GRM7: variants seen among roughly 807,000 people sequenced by gnomAD.
The protein encoded by GRM7 is metabotropic glutamate receptor 7.
A neutral mutation model predicts 84.5 loss-of-function variants in GRM7; 35 were observed. That is an observed-to-expected ratio of 0.41 (90% confidence interval 0.32 to 0.55). GRM7 has a LOEUF of 0.55. GRM7 is among the 20% of genes least tolerant of loss of function. The pLI is 0.19. For missense variants in GRM7, 1,003 were observed against 1,194.6 expected, an observed-to-expected ratio of 0.84 and a Z score of 2.36; for synonymous variants, 487 against 455.1, an observed-to-expected ratio of 1.07 and a Z score of -0.89.
At chr3:7,161,098 C>T (rs576423320) in intron 2 of GRM7, among the ~76,000 whole-genome samples, 2 of 152,024 alleles carry the variant, frequency 1.3e-5, no homozygotes, top group South Asian at 4.2e-4. Flanking sequence ...TCTGTCTTCC[C>T]CTGAGCTAAG....
intron 4 of GRM7, among the ~76,000 whole-genome samples, chr3:7,326,758 C>T (rs563104245): frequency 6.6e-5 from 10 of 150,734 alleles, no homozygotes; most frequent in Admixed American, 2.0e-4. Flanking sequence ...TGCTTGAACC[C>T]GGGAGGTGGA....
At chr3:6,999,785 A>T (rs1428050492) in intron 1 of GRM7, among the ~76,000 whole-genome samples, 1 of 152,144 alleles carries the variant, frequency 6.6e-6, no homozygotes, top group East Asian at 1.9e-4. Flanking sequence ...CACTATCACG[A>T]GAACAGCATG....
intron 4 of GRM7, among the ~76,000 whole-genome samples, chr3:7,354,001 G>T (rs1258968909): frequency 6.6e-6 from 1 of 152,110 alleles, no homozygotes; most frequent in African/African-American, 2.4e-5. Context: ...CAGGTCAAGT[G>T]AACAAAAGTC....
intron 4 of GRM7, among the ~76,000 whole-genome samples, chr3:7,315,419 T>C (rs1050636156): frequency 3.9e-5 from 6 of 152,250 alleles, no homozygotes; most frequent in African/African-American, 1.2e-4. Context: ...GTATATTGCA[T>C]GCCTCAACTT....
At chr3:7,719,869 A>C in intron 9 of GRM7, among the ~76,000 whole-genome samples, 1 of 151,836 alleles carries the variant, frequency 6.6e-6, no homozygotes, top group Admixed American at 6.6e-5. Context: ...TAAAACAAGG[A>C]CTTCCAGTTG....
chr3:7,537,107 A>T (rs1221359432), intron 7 of GRM7, among the ~76,000 whole-genome samples: 4 of 152,214 alleles, frequency 2.6e-5, no homozygotes, highest in African/African-American at 7.2e-5. Flanking sequence ...GCTGCAGGTG[A>T]TGTCTGGAGG....
intron 4 of GRM7, among the ~76,000 whole-genome samples, chr3:7,391,393 G>T (rs920038874): frequency 6.6e-6 from 1 of 152,112 alleles, no homozygotes; most frequent in African/African-American, 2.4e-5. Context: ...AAAAGGATGA[G>T]TTCATGTACT....
intron 9 of GRM7, among the ~76,000 whole-genome samples, chr3:7,724,278 C>G (rs945154158): frequency 1.1e-4 from 16 of 152,294 alleles, no homozygotes; most frequent in African/African-American, 3.8e-4. Context: ...AATTTCTTCC[C>G]TCAACTCACC....
At chr3:7,029,879 T>C (rs956041908) in intron 1 of GRM7, among the ~76,000 whole-genome samples, 1 of 152,208 alleles carries the variant, frequency 6.6e-6, no homozygotes, top group African/African-American at 2.4e-5. Context: ...GTGTATACTT[T>C]ACCACAATTA....
intron 7 of GRM7, among the ~76,000 whole-genome samples, chr3:7,482,260 A>C (rs886652924): frequency 6.6e-6 from 1 of 152,154 alleles, no homozygotes; most frequent in African/African-American, 2.4e-5. Context: ...CAAATCCTAT[A>C]AACCCTGTAA....
intron 2 of GRM7, among the ~76,000 whole-genome samples, chr3:7,246,751 T>C (rs1697775978): frequency 6.6e-6 from 1 of 152,150 alleles, no homozygotes; most frequent in African/African-American, 2.4e-5. Context: ...GTAGATTTAA[T>C]GAAATCTCCA....
intron 1 of GRM7, among the ~76,000 whole-genome samples, chr3:7,065,616 C>T (rs962501185): frequency 5.9e-5 from 9 of 151,828 alleles, no homozygotes; most frequent in East Asian, 1.9e-4. Context: ...TTTGAAATCA[C>T]GTAGTGTGAT....
intron 8 of GRM7, among the ~76,000 whole-genome samples, chr3:7,597,979 C>T (rs1696132077): frequency 1.3e-5 from 2 of 152,224 alleles, no homozygotes; most frequent in African/African-American, 4.8e-5. Context: ...TTTCCTACTT[C>T]CATAAGCAGA....
chr3:7,631,312 A>G (rs1386942209), intron 8 of GRM7, among the ~76,000 whole-genome samples: 2 of 152,176 alleles, frequency 1.3e-5, no homozygotes, highest in African/African-American at 4.8e-5. Flanking sequence ...TGCCTCGGGT[A>G]GAAGTAGCCC....
At chr3:7,412,798 T>C (rs1403819168) in intron 4 of GRM7, among the ~76,000 whole-genome samples, 1 of 151,640 alleles carries the variant, frequency 6.6e-6, no homozygotes, top group Non-Finnish European at 1.5e-5. Context: ...CTGCCCCTTA[T>C]AAAAGAATGA....
At chr3:7,220,623 C>A (rs903245956) in intron 2 of GRM7, among the ~76,000 whole-genome samples, 1 of 151,960 alleles carries the variant, frequency 6.6e-6, no homozygotes. Flanking sequence ...AAAGAAATAC[C>A]AATAAAGTAT....
At chr3:7,291,153 T>C (rs547192238) in intron 2 of GRM7, among the ~76,000 whole-genome samples, 2 of 152,046 alleles carry the variant, frequency 1.3e-5, no homozygotes, top group Non-Finnish European at 2.9e-5. Context: ...TTTTTTTTAA[T>C]ATTCAGGAAT....
At chr3:7,377,234 T>C (rs1694389483) in intron 4 of GRM7, among the ~76,000 whole-genome samples, 1 of 152,124 alleles carries the variant, frequency 6.6e-6, no homozygotes, top group Non-Finnish European at 1.5e-5. Context: ...TTTTCCACCA[T>C]AAATTCAAGT....
intron 2 of GRM7, among the ~76,000 whole-genome samples, chr3:7,263,434 G>C (rs1698513311): frequency 2.0e-5 from 3 of 152,206 alleles, no homozygotes; most frequent in African/African-American, 7.2e-5. Flanking sequence ...CAGCAGCATG[G>C]CAGGGTGCAC....
Sources: allele counts gnomAD v4.1 joint callset (sites outside exome capture counted in the v4.1 genomes callset), GRCh38; gene constraint gnomAD v4.1.1; transcripts MANE v1.5; gene names NCBI Gene and HGNC (gene_info 2026-07-23, HGNC 2026-07-21).